The following MAPK14 variants were observed in gnomAD, a reference collection of about 807,000 sequenced individuals.
MAPK14 encodes mitogen-activated protein kinase 14.
A neutral mutation model predicts 49.6 loss-of-function variants in MAPK14; 16 were observed. That is an observed-to-expected ratio of 0.32 (90% CI 0.22 to 0.49). The LOEUF is 0.49. MAPK14 is among the 20% of genes least tolerant of loss of function. The probability of loss-of-function intolerance (pLI) is 0.99; values close to 1 mark genes in which losing one functional copy is unlikely to be tolerated. For missense variants in MAPK14, 200 were observed against 441.2 expected (o/e 0.45, Z 4.90); for synonymous variants, 142 against 158.0 (o/e 0.90, Z 0.76).
intron 7 of MAPK14, 31 bp from the exon 8 acceptor site, chr6:36,076,506 A>G: frequency 6.6e-7 from 1 of 1,517,440 alleles, no homozygotes; most frequent in South Asian, 1.1e-5. Flanking sequence ...GTGACATTGC[A>G]TATACTTTTA....
intron 8 of MAPK14, 39 bp downstream of exon 8, chr6:36,076,647 G>A (rs750277702): frequency 2.0e-6 from 3 of 1,476,006 alleles, no homozygotes; most frequent in Admixed American, 3.3e-5. Context: ...TTTCTTATCT[G>A]TATTCCAGTG....
At chr6:36,083,671 C>G (rs1764856907) in intron 8 of MAPK14, among the ~76,000 whole-genome samples, 2 of 152,200 alleles carry the variant, frequency 1.3e-5, no homozygotes, top group Non-Finnish European at 2.9e-5. Flanking sequence ...TTCAGCAACT[C>G]CAGCCAGGGG....
intron 3 of MAPK14, among the ~76,000 whole-genome samples, chr6:36,064,120 C>T (rs1182910996): frequency 3.3e-5 from 5 of 151,158 alleles, no homozygotes; most frequent in Admixed American, 1.3e-4. Context: ...GTTGGGGCTA[C>T]AGGCTCACAC....
At chr6:36,070,847 C>T (rs774600185) in intron 3 of MAPK14, among the ~76,000 whole-genome samples, 2 of 151,934 alleles carry the variant, frequency 1.3e-5, no homozygotes, top group African/African-American at 2.4e-5. Context: ...CACACACACA[C>T]GTTTATTCTT....
intron 1 of MAPK14, among the ~76,000 whole-genome samples, chr6:36,041,786 A>G (rs1209564801): frequency 6.6e-6 from 1 of 152,256 alleles, no homozygotes; most frequent in Non-Finnish European, 1.5e-5. Flanking sequence ...ATTGATGCTT[A>G]TATTTTAGAT....
chr6:36,117,202 C>A, the MAPK14 span, among the ~76,000 whole-genome samples: 3 of 152,192 alleles, frequency 2.0e-5, no homozygotes, highest in South Asian at 2.1e-4. Context: ...TAGAAATGCA[C>A]CTCCAGGCCT....
At chr6:36,030,678 C>T (rs541780322) in intron 1 of MAPK14, among the ~76,000 whole-genome samples, 1 of 113,404 alleles carries the variant, frequency 8.8e-6, no homozygotes, top group Non-Finnish European at 1.8e-5. Context: ...AAGTGCGAGA[C>T]GCCGTCTCAA....
chr6:36,073,163 C>A, intron 4 of MAPK14, 179 bp downstream of exon 4: 1 of 592,062 alleles, frequency 1.7e-6, no homozygotes, highest in Admixed American at 2.9e-5. Context: ...CAGTTACCGA[C>A]ATATGGCCAA....
At chr6:36,070,167 GA>G (rs1458810445) in intron 3 of MAPK14, among the ~76,000 whole-genome samples, 2 of 152,128 alleles carry the variant, frequency 1.3e-5, no homozygotes, top group Non-Finnish European at 2.9e-5. Flanking sequence ...AATTACTAAG[GA>G]AATTATTCAG....
rs1281640015 is a variant in MAPK14 at position 36,109,076 on chromosome 6, GTAGA to G, written c.*633_*636del. ...GTGCCTTAAAAGGAGAGAAGAAAGTGTAGATAGTTAAAAGACTGCAGCTGCTGAA... is the reference window on the plus strand; with the variant it reads ...GTGCCTTAAAAGGAGAGAAGAAAGTGTAGTTAAAAGACTGCAGCTGCTGAA... On this transcript the variant is annotated 3_prime_UTR_variant, in exon 12 of 12. Coordinates refer to ENST00000229794, the MANE Select transcript of MAPK14 (RefSeq NM_139012.3). The G allele has an allele frequency of 1.7e-4, 26 of 153,178 alleles. No individual in the cohort carries two copies. The highest frequency in any genetic ancestry group is 6.0e-4 in the African/African-American group (25 of 41,584). The allele number at this position is 153,178 out of a possible 1,614,324, so 9.5% of individuals were successfully genotyped here. A position where few individuals can be genotyped will look rare whatever the true frequency, so the allele number is the denominator to read the frequency against.
At chr6:36,121,152 G>A in the MAPK14 span, among the ~76,000 whole-genome samples, 7 of 152,092 alleles carry the variant, frequency 4.6e-5, no homozygotes, top group Admixed American at 1.3e-4. Context: ...AGGAAGGCAC[G>A]CTTGCGGATC....
intron 1 of MAPK14, among the ~76,000 whole-genome samples, chr6:36,035,850 AAGC>A (rs1762727098): frequency 6.6e-6 from 1 of 152,178 alleles, no homozygotes; most frequent in Non-Finnish European, 1.5e-5. Context: ...ACAGGTGAGA[AAGC>A]TGCAAAAGAT....
At chr6:36,065,161 T>C (rs1362426630) in intron 3 of MAPK14, among the ~76,000 whole-genome samples, 1 of 152,244 alleles carries the variant, frequency 6.6e-6, no homozygotes, top group Non-Finnish European at 1.5e-5. Flanking sequence ...GTTTACTCCT[T>C]ACCCTGCTTT....
chr6:36,102,743 A>AG, intron 10 of MAPK14, 94 bp downstream of exon 10: 1 of 1,585,374 alleles, frequency 6.3e-7, no homozygotes, highest in South Asian at 1.2e-5. Context: ...TGACCAAATA[A>AG]AGTACCATTA....
chr6:36,051,803 A>G (rs914606893), intron 1 of MAPK14, among the ~76,000 whole-genome samples: 1 of 152,232 alleles, frequency 6.6e-6, no homozygotes, highest in African/African-American at 2.4e-5. Context: ...GGGGAAATAC[A>G]AAAGCTGAAT....
chr6:36,054,537 T>C (rs1447804322), intron 2 of MAPK14, among the ~76,000 whole-genome samples: 2 of 152,222 alleles, frequency 1.3e-5, no homozygotes, highest in African/African-American at 4.8e-5. Context: ...TAACAGTTGG[T>C]GGTCACCTAG....
At chr6:36,051,564 T>A (rs1327480466) in intron 1 of MAPK14, among the ~76,000 whole-genome samples, 3 of 152,032 alleles carry the variant, frequency 2.0e-5, no homozygotes, top group Non-Finnish European at 4.4e-5. Flanking sequence ...TGTCACTCAC[T>A]CCAGCATGCC....
intron 3 of MAPK14, among the ~76,000 whole-genome samples, chr6:36,067,692 C>G (rs1764115360): frequency 6.6e-6 from 1 of 152,114 alleles, no homozygotes; most frequent in African/African-American, 2.4e-5. Context: ...TACTAAGCTG[C>G]CTACTTGGCT....
the MAPK14 span, among the ~76,000 whole-genome samples, chr6:36,120,596 T>C: frequency 1.3e-5 from 2 of 152,168 alleles, no homozygotes; most frequent in African/African-American, 4.8e-5. Flanking sequence ...GATAAGTGTG[T>C]ATCCCCCGGC....
Sources: allele counts gnomAD v4.1 joint callset (sites outside exome capture counted in the v4.1 genomes callset), GRCh38; gene constraint gnomAD v4.1.1; transcripts MANE v1.5; gene names NCBI Gene and HGNC (gene_info 2026-07-23, HGNC 2026-07-21).